LMBRD1: variants seen among roughly 807,000 people sequenced by gnomAD.
LMBRD1 encodes LMBR1 domain containing 1, also known as lysosomal cobalamin transport escort protein LMBD1.
In LMBRD1, 64 loss-of-function variants were observed where a neutral mutation model predicts 74.8. That is an observed-to-expected ratio of 0.86 (90% confidence interval 0.70 to 1.05). LMBRD1 has a LOEUF of 1.05. Ranked by LOEUF, LMBRD1 falls within the 50% of genes least tolerant of loss-of-function variation. The pLI is 0.00. For synonymous variants in LMBRD1, 204 were observed against 216.3 expected (o/e 0.94, Z 0.50); for missense variants, 652 against 645.9 (o/e 1.01, Z -0.10).
At chr6:69,734,694 C>T (rs1413820001) in intron 7 of LMBRD1, among the ~76,000 whole-genome samples, 1 of 152,144 alleles carries the variant, frequency 6.6e-6, no homozygotes, top group Non-Finnish European at 1.5e-5. Context: ...TTGTGCCTGG[C>T]AACAAAACCA....
In LMBRD1 at chr6:69,790,098, G is replaced by C. The variant is rs2125023; in HGVS notation, c.246+198C>G. Among the ~76,000 whole-genome samples the C allele has an allele frequency of 0.33, 50,966 of 152,154 alleles. 9,657 individuals are homozygous for C. Among genetic ancestry groups the C allele is most frequent in the East Asian group, 0.54 (2,817 of 5,184 alleles). The stretch of plus-strand genomic sequence containing the variant: ...TGATTACTTAAAGCATTTGCAGGGC[G>C]GCTGAATTAATAGTTCTTATGTCAG... On this transcript the variant is annotated intron_variant, in intron 2 of 15. Coordinates refer to ENST00000649934, the MANE Select transcript of LMBRD1 (RefSeq NM_018368.4).
Position 69,697,634 on chromosome 6 carries a change from A to AT in LMBRD1, c.1345dup (p.Ile449AsnfsTer4). ...ATTGCCTTTATGATTATCAGAAGTTATATTAGTCTGAAAGATAAAAATACA... is the reference window on the plus strand; with the variant it reads ...ATTGCCTTTATGATTATCAGAAGTTATTATTAGTCTGAAAGATAAAAATACA... On this transcript the variant is annotated frameshift_variant, in exon 14 of 16. Transcript: ENST00000649934. LOFTEE classifies it high-confidence loss of function. 1 of 1,570,858 alleles carries AT rather than the reference A, an allele frequency of 6.4e-7. No homozygotes were observed. Among genetic ancestry groups the AT allele is most frequent in the Non-Finnish European group, 8.8e-7 (1 of 1,141,972 alleles).
chr6:69,759,967 C>A (rs1434658127), intron 3 of LMBRD1, among the ~76,000 whole-genome samples: 1 of 152,084 alleles, frequency 6.6e-6, no homozygotes, highest in African/African-American at 2.4e-5. Flanking sequence ...TTCACACTCA[C>A]CAGACTAGCA....
intron 7 of LMBRD1, among the ~76,000 whole-genome samples, chr6:69,727,135 G>T (rs1305640094): frequency 5.3e-5 from 8 of 152,118 alleles, no homozygotes; most frequent in Non-Finnish European, 1.0e-4. Context: ...CTCCAGCCTG[G>T]TAACAGAGTG....
chr6:69,684,690 C>T (rs1055289228), intron 14 of LMBRD1, among the ~76,000 whole-genome samples: 1 of 151,894 alleles, frequency 6.6e-6, no homozygotes, highest in Admixed American at 6.6e-5. Context: ...TACAATGCAT[C>T]GGAAGTCTAA....
At chr6:69,741,941 A>C in intron 5 of LMBRD1, 64 bp from the exon 6 acceptor site, 1 of 919,984 alleles carries the variant, frequency 1.1e-6, no homozygotes, top group Non-Finnish European at 1.7e-6. Flanking sequence ...AAATGGTTTG[A>C]AACTCAAATT....
chr6:69,759,947 G>C (rs1765341884), intron 3 of LMBRD1, among the ~76,000 whole-genome samples: 1 of 152,054 alleles, frequency 6.6e-6, no homozygotes, highest in East Asian at 1.9e-4. Context: ...ATAGACTAGT[G>C]AACTCTCATT....
intron 14 of LMBRD1, among the ~76,000 whole-genome samples, chr6:69,695,636 G>A (rs940156693): frequency 6.6e-6 from 1 of 151,770 alleles, no homozygotes; most frequent in Admixed American, 6.6e-5. Context: ...ATTGCTTTTT[G>A]TGTTTTTTTT....
intron 14 of LMBRD1, among the ~76,000 whole-genome samples, chr6:69,694,515 T>C (rs557164266): frequency 1.3e-5 from 2 of 152,286 alleles, no homozygotes; most frequent in East Asian, 3.9e-4. Flanking sequence ...ACTAACAACA[T>C]TTTACTATTA....
intron 7 of LMBRD1, among the ~76,000 whole-genome samples, chr6:69,726,777 CAAAA>C (rs34775384): frequency 9.1e-6 from 1 of 109,714 alleles, no homozygotes; most frequent in Admixed American, 9.0e-5. Context: ...TTACTAGGTA[CAAAA>C]AAAAAAAAAA....
At chr6:69,786,189 C>A (rs1291876876) in intron 2 of LMBRD1, among the ~76,000 whole-genome samples, 1 of 152,164 alleles carries the variant, frequency 6.6e-6, no homozygotes, top group Admixed American at 6.5e-5. Context: ...AATTGTCAGG[C>A]ACATACTATA....
At chr6:69,786,471 T>C (rs9454894) in intron 2 of LMBRD1, among the ~76,000 whole-genome samples, 13 of 148,656 alleles carry the variant, frequency 8.7e-5, no homozygotes, top group African/African-American at 2.5e-4. Flanking sequence ...TATTTATTCA[T>C]ATTAGTGTCG....
chr6:69,686,645 G>A (rs1227696348), intron 14 of LMBRD1, among the ~76,000 whole-genome samples: 1 of 151,924 alleles, frequency 6.6e-6, no homozygotes, highest in African/African-American at 2.4e-5. Context: ...TCTCTATCAA[G>A]CAAATACTAT....
chr6:69,745,038 G>A (rs1767188983), intron 5 of LMBRD1, among the ~76,000 whole-genome samples: 1 of 151,594 alleles, frequency 6.6e-6, no homozygotes, highest in South Asian at 2.1e-4. Context: ...AAGTCACCAT[G>A]TTGGCCAGCA....
chr6:69,796,164 A>C (rs556914784), intron 1 of LMBRD1, among the ~76,000 whole-genome samples: 1 of 152,338 alleles, frequency 6.6e-6, no homozygotes, highest in South Asian at 2.1e-4. Context: ...CTGAGGTCAG[A>C]CAGGTAGTAG....
Position 69,717,952 on chromosome 6 carries a change from G to A in LMBRD1, c.762+1004C>T, listed in dbSNP as rs568957172. 2.0e-5 allele frequency among the ~76,000 whole-genome samples: 3 copies of A among 152,226 alleles called. No homozygotes were observed. In the East Asian group the frequency reaches 5.8e-4, roughly 29 times the overall value. On this transcript the variant is annotated intron_variant, in intron 8 of 15. Transcript: ENST00000649934. Reference sequence around the variant, plus strand: ...AAGCTCAAGCAATCTGGGACTACAGGTGTGAGCCACCAGTACGTACCTAGC... The same window carrying A: ...AAGCTCAAGCAATCTGGGACTACAGATGTGAGCCACCAGTACGTACCTAGC...
At chr6:69,688,818 G>T (rs1377759177) in intron 14 of LMBRD1, among the ~76,000 whole-genome samples, 1 of 151,954 alleles carries the variant, frequency 6.6e-6, no homozygotes, top group Non-Finnish European at 1.5e-5. Flanking sequence ...ATGCACGAAA[G>T]CATTTAAAAA....
rs1308439722 is a variant in LMBRD1 at position 69,741,244 on chromosome 6, T to C, written c.562+545A>G. Among the ~76,000 whole-genome samples the C allele has an allele frequency of 2.0e-5, 3 of 152,154 alleles. No individual in the cohort carries two copies. The East Asian group carries it at 5.8e-4, about 29-fold the overall frequency. ...TTGAAGATTAAATTTTCTTTCAACATGGTAATTTTATAAAGAAGTCAAGAA... is the reference window on the plus strand; with the variant it reads ...TTGAAGATTAAATTTTCTTTCAACACGGTAATTTTATAAAGAAGTCAAGAA... On this transcript the variant is annotated intron_variant, in intron 6 of 15. Transcript: ENST00000649934.
chr6:69,752,159 C>A, intron 4 of LMBRD1, 100 bp downstream of exon 4: 1 of 1,148,878 alleles, frequency 8.7e-7, no homozygotes, highest in Non-Finnish European at 1.2e-6. Context: ...TTCTATTAGA[C>A]AACACTGCTC....
Sources: gnomAD v4.1 joint callset for allele counts (sites outside exome capture counted in the v4.1 genomes callset) on GRCh38, gnomAD v4.1.1 for gene constraint, MANE v1.5 for transcripts, NCBI Gene and HGNC (gene_info 2026-07-23, HGNC 2026-07-21) for gene names.